The following TMED3 variants were observed in gnomAD, a reference collection of about 807,000 sequenced individuals.
TMED3 encodes transmembrane p24 trafficking protein 3, also known as transmembrane emp24 domain-containing protein 3.
Under a neutral mutation model 15.0 loss-of-function variants are expected in TMED3, and 9 were observed. The observed-to-expected ratio is 0.60, with a 90% CI of 0.36 to 1.04. The LOEUF (loss-of-function observed/expected upper bound fraction) is 1.04. TMED3 is among the 50% of genes least tolerant of loss of function. TMED3 has a pLI of 0.01. For synonymous variants in TMED3, 117 were observed against 121.4 expected, an observed-to-expected ratio of 0.96 and a Z score of 0.24; for missense variants, 267 against 278.9, an observed-to-expected ratio of 0.96 and a Z score of 0.30.
At chr15:79,360,910 T>C (rs1893116239) in intron 2 of TMED3, among the ~76,000 whole-genome samples, 1 of 152,228 alleles carries the variant, frequency 6.6e-6, no homozygotes, top group Non-Finnish European at 1.5e-5. Flanking sequence ...AGTGCACTAT[T>C]GTGATCATAA....
At chr15:79,359,688 A>T (rs1893086344) in intron 2 of TMED3, among the ~76,000 whole-genome samples, 1 of 152,314 alleles carries the variant, frequency 6.6e-6, no homozygotes, top group South Asian at 2.1e-4. Context: ...AGCTGAAGAG[A>T]TTGAGAGATC....
chr15:79,336,849 G>GA (rs2058829095), intron 2 of TMED3, among the ~76,000 whole-genome samples: 1 of 152,142 alleles, frequency 6.6e-6, no homozygotes, highest in South Asian at 2.1e-4. Context: ...GAGGGACATA[G>GA]ATATTTCCAG....
At chr15:79,312,063 G>A (rs1215766817) in intron 1 of TMED3, among the ~76,000 whole-genome samples, 1 of 152,218 alleles carries the variant, frequency 6.6e-6, no homozygotes, top group Non-Finnish European at 1.5e-5. Context: ...TGGCCCACAG[G>A]TGACAGGAGC....
At chr15:79,328,286 C>T (rs370204227) in intron 2 of TMED3, among the ~76,000 whole-genome samples, 50 of 152,060 alleles carry the variant, frequency 3.3e-4, no homozygotes, top group African/African-American at 1.2e-3. Context: ...TCTGGCTTCT[C>T]GTATCACTTG....
At position 79,409,889 on chromosome 15, in the gene TMED3, TA is replaced by T. The variant is rs552282148; in HGVS notation, c.418-1507del. ...TTCTGAGCCCAATTTTCCTGAACTGTAAAATAAGCTAGAGGATACAGAAGAA... is the reference window on the plus strand; with the variant it reads ...TTCTGAGCCCAATTTTCCTGAACTGTAAATAAGCTAGAGGATACAGAAGAA... On this transcript the variant is annotated intron_variant, in intron 2 of 2. Transcript: ENST00000424155. 2.3e-4 allele frequency among the ~76,000 whole-genome samples: 35 copies of T among 152,264 alleles called. 1 individual carries two copies. Among genetic ancestry groups the T allele is most frequent in the African/African-American group, 8.2e-4 (34 of 41,554 alleles).
At chr15:79,333,531 TTG>T (rs1180947530) in intron 2 of TMED3, among the ~76,000 whole-genome samples, 2 of 152,228 alleles carry the variant, frequency 1.3e-5, no homozygotes, top group African/African-American at 4.8e-5. Context: ...TTCTGCAGGT[TTG>T]TGTTTTTCAG....
chr15:79,358,467 C>G (rs1005503303), intron 2 of TMED3, among the ~76,000 whole-genome samples: 1 of 152,198 alleles, frequency 6.6e-6, no homozygotes, highest in Non-Finnish European at 1.5e-5. Context: ...GCAGTCTAGA[C>G]TGAGCAGGTT....
chr15:79,326,937 G>T (rs559303078), downstream of TMED3, among the ~76,000 whole-genome samples: 19 of 152,334 alleles, frequency 1.2e-4, no homozygotes, highest in African/African-American at 4.3e-4. Flanking sequence ...GCCTCAGGGT[G>T]CTTCCACTCA....
At chr15:79,318,041 C>T (rs997560114) in intron 2 of TMED3, among the ~76,000 whole-genome samples, 4 of 152,348 alleles carry the variant, frequency 2.6e-5, no homozygotes, top group African/African-American at 9.6e-5. Flanking sequence ...GCATCCCCAT[C>T]ACCATGTCAG....
chr15:79,402,397 A>T (rs562271467), intron 2 of TMED3, among the ~76,000 whole-genome samples: 2 of 152,344 alleles, frequency 1.3e-5, no homozygotes, highest in East Asian at 3.9e-4. Context: ...AGAAGCAAAA[A>T]GTGAGAGATT....
intron 2 of TMED3, among the ~76,000 whole-genome samples, chr15:79,371,818 T>C (rs1454128740): frequency 1.3e-5 from 2 of 152,204 alleles, no homozygotes; most frequent in African/African-American, 4.8e-5. Context: ...TTGCAACCTC[T>C]GGTTATGCAC....
chr15:79,375,533 A>T (rs1893408614), intron 2 of TMED3, among the ~76,000 whole-genome samples: 1 of 152,180 alleles, frequency 6.6e-6, no homozygotes, highest in African/African-American at 2.4e-5. Flanking sequence ...GCTATAGAGT[A>T]TCCACTTCTG....
intron 2 of TMED3, among the ~76,000 whole-genome samples, chr15:79,350,830 G>T (rs2058888742): frequency 6.6e-6 from 1 of 152,168 alleles, no homozygotes; most frequent in Non-Finnish European, 1.5e-5. Flanking sequence ...GAAGTCTGGG[G>T]AGTCAAAGTC....
Position 79,313,749 on chromosome 15 carries a change from G to C in TMED3, c.169-8G>C. On this transcript the variant is annotated splice_polypyrimidine_tract_variant and splice_region_variant and intron_variant, in intron 1 of 2. Transcript: ENST00000299705. ...CTTTGATAACAGCAATTTTTTTATG[G>C]TTGTCAGGTCATCACTGGAGGCCAC... 1 of 1,609,828 alleles carries C rather than the reference G, an allele frequency of 6.2e-7. No homozygotes were observed. Among genetic ancestry groups the C allele is most frequent in the Non-Finnish European group, 8.5e-7 (1 of 1,176,796 alleles).
At chr15:79,354,696 A>G (rs558014410) in intron 2 of TMED3, among the ~76,000 whole-genome samples, 34 of 152,252 alleles carry the variant, frequency 2.2e-4, no homozygotes, top group African/African-American at 8.2e-4. Context: ...AGGAAGCCTC[A>G]GGCCCATCTT....
intron 2 of TMED3, among the ~76,000 whole-genome samples, chr15:79,393,189 G>T (rs1055258313): frequency 1.3e-5 from 2 of 152,126 alleles, no homozygotes; most frequent in Non-Finnish European, 2.9e-5. Flanking sequence ...GGAGGGTAAG[G>T]TCAAAAACAT....
intron 2 of TMED3, among the ~76,000 whole-genome samples, chr15:79,391,594 C>T (rs760427365): frequency 3.9e-5 from 6 of 152,032 alleles, no homozygotes; most frequent in Admixed American, 2.0e-4. Context: ...CCCATTTGTT[C>T]AAGGGTATAA....
chr15:79,386,148 T>G (rs932401299), intron 2 of TMED3, among the ~76,000 whole-genome samples: 6 of 152,252 alleles, frequency 3.9e-5, no homozygotes, highest in Non-Finnish European at 5.9e-5. Flanking sequence ...GGAGGAGCAA[T>G]TAGATTTTAA....
chr15:79,392,085 T>G (rs1216902678), intron 2 of TMED3, among the ~76,000 whole-genome samples: 1 of 152,234 alleles, frequency 6.6e-6, no homozygotes, highest in Non-Finnish European at 1.5e-5. Flanking sequence ...TTACATGCAA[T>G]GTTAGTATTG....
Sources: gnomAD v4.1 joint callset for allele counts (sites outside exome capture counted in the v4.1 genomes callset) on GRCh38, gnomAD v4.1.1 for gene constraint, MANE v1.5 for transcripts, NCBI Gene and HGNC (gene_info 2026-07-23, HGNC 2026-07-21) for gene names.